The following CHFR variants were observed in gnomAD, a reference collection of about 807,000 sequenced individuals.
The protein encoded by CHFR is checkpoint with forkhead and ring finger domains.
A neutral mutation model predicts 87.6 loss-of-function variants in CHFR; 57 were observed. The observed-to-expected ratio is 0.65, with a 90% CI of 0.53 to 0.81. CHFR has a LOEUF of 0.81. Ranked by LOEUF, CHFR falls within the 30% of genes least tolerant of loss-of-function variation. The probability of loss-of-function intolerance (pLI) is 0.00; values close to 1 mark genes in which losing one functional copy is unlikely to be tolerated. For missense variants in CHFR, 797 were observed against 865.8 expected (o/e 0.92, Z 1.00); for synonymous variants, 381 against 359.2 (o/e 1.06, Z -0.69).
Position 132,861,568 on chromosome 12 carries a change from C to T in CHFR, c.650G>A (p.Ser217Asn). ...TCTGTCTGGGAGAGCTGAGGCAAAGCTGGAGACTTCATCACTTGCCACAGA... is the reference window on the plus strand; with the variant it reads ...TCTGTCTGGGAGAGCTGAGGCAAAGTTGGAGACTTCATCACTTGCCACAGA... ...GPSVASDEVSSFASALPDRKT... is the reference protein window; with the variant it reads ...GPSVASDEVSNFASALPDRKT... The change falls in exon 7 of 18, where the codon AGC becomes AAC. Residue 217 changes from serine (S) to asparagine (N), a missense_variant. Around this residue, in one of 2 missense-constraint regions of CHFR, gnomAD observed 597 missense variants for 601.2 expected, o/e 0.99. Coordinates refer to ENST00000450056, the MANE Select transcript of CHFR (RefSeq NM_001161346.2). 6.2e-7 allele frequency: 1 copy of T among 1,614,202 alleles called. No individual in the cohort carries two copies. The highest frequency in any genetic ancestry group is 8.5e-7 in the Non-Finnish European group (1 of 1,180,028).
rs1000659512 is a variant in CHFR at position 132,853,587 on chromosome 12, C to T, written c.1230-14G>A. Reference sequence around the variant, plus strand: ...ACGTATGGCTGGCTGCAAGGAAGCACAGGGCCGAGCTGTGTGCAGGCCCCA... The same window carrying T: ...ACGTATGGCTGGCTGCAAGGAAGCATAGGGCCGAGCTGTGTGCAGGCCCCA... On this transcript the variant is annotated splice_polypyrimidine_tract_variant and intron_variant, in intron 10 of 17. Transcript: ENST00000450056. 6.6e-6 allele frequency: 10 copies of T among 1,522,332 alleles called. No individual in the cohort carries two copies. The African/African-American group carries it at 8.4e-5, about 13-fold the overall frequency. The allele number at this position is 1,522,332 out of a possible 1,614,324, so 94.3% of individuals were successfully genotyped here.
chr12:132,848,634 G>A lies in CHFR; in HGVS notation c.1576+7C>T. The A allele has an allele frequency of 6.3e-7, 1 of 1,586,124 alleles. No individual in the cohort carries two copies. The highest frequency in any genetic ancestry group is 2.3e-5 in the East Asian group (1 of 43,408). ...AAAGCAACTGGGGCCTGAAGAGCCA[G>A]TATTACCACAAAACGGGGCCAGGCA... On this transcript the variant is annotated splice_region_variant and intron_variant, in intron 13 of 17. Coordinates refer to ENST00000450056, the MANE Select transcript of CHFR (RefSeq NM_001161346.2).
In CHFR at chr12:132,849,050, G is replaced by A. The variant is rs562061055; in HGVS notation, c.1493-326C>T. On this transcript the variant is annotated intron_variant, in intron 12 of 17. Transcript: ENST00000450056. ...CAACCTCCGCCTCCTGGGTTCAAGG[G>A]ATCCACCCACCTCAGCCTCCTGAGT... 1.9e-4 allele frequency: 48 copies of A among 252,578 alleles called. No individual in the cohort carries two copies. In the East Asian group the frequency reaches 4.0e-3, roughly 21 times the overall value. 15.6% of individuals were successfully genotyped at this position (252,578 alleles called of 1,614,324 possible). A position where few individuals can be genotyped will look rare whatever the true frequency, so the allele number is the denominator to read the frequency against.
intron 6 of CHFR, among the ~76,000 whole-genome samples, chr12:132,865,671 T>G (rs1338764861): frequency 6.9e-6 from 1 of 144,002 alleles, no homozygotes; most frequent in Non-Finnish European, 1.5e-5. Context: ...TTTTTTTTTT[T>G]TTTTTTGAGA....
intron 3 of CHFR, among the ~76,000 whole-genome samples, chr12:132,876,777 A>G (rs1951639797): frequency 6.6e-6 from 1 of 152,178 alleles, no homozygotes; most frequent in Non-Finnish European, 1.5e-5. Context: ...AACTACAGTC[A>G]TGCCCCAGAT....
At chr12:132,878,367 G>T in intron 2 of CHFR, among the ~76,000 whole-genome samples, 1 of 151,796 alleles carries the variant, frequency 6.6e-6, no homozygotes, top group East Asian at 2.0e-4. Context: ...TACTTGGGAG[G>T]CTGAGGCAGG....
intron 12 of CHFR, among the ~76,000 whole-genome samples, chr12:132,851,300 T>C (rs1053053025): frequency 1.2e-4 from 19 of 152,060 alleles, no homozygotes; most frequent in African/African-American, 3.4e-4. Context: ...CAGAGTTGTA[T>C]ACTAAAGCAT....
intron 8 of CHFR, 69 bp from the exon 9 acceptor site, chr12:132,857,628 G>C (rs1010485016): frequency 2.7e-6 from 4 of 1,508,254 alleles, no homozygotes; most frequent in Non-Finnish European, 3.6e-6. Flanking sequence ...ACCAAGGTCC[G>C]CAGCAGCCCC....
At chr12:132,869,951 G>C in intron 5 of CHFR, 153 bp from the exon 6 acceptor site, 1 of 845,832 alleles carries the variant, frequency 1.2e-6, no homozygotes, top group Non-Finnish European at 1.8e-6. Context: ...GTGCAGGCCT[G>C]TAATCCCAGC....
At position 132,835,434 on chromosome 12, in the gene CHFR, T is replaced by C. The variant is rs987607744; in HGVS notation, c.*6120A>G. On this transcript the variant is annotated 3_prime_UTR_variant, in exon 18 of 18. Coordinates refer to ENST00000450056, the MANE Select transcript of CHFR (RefSeq NM_001161346.2). ...GCCTGCACGTGGGCCATGCTAATCT[T>C]CTCTATATCGTTCCAGTTTTAGTAG... The C allele has an allele frequency of 6.5e-6, 1 of 153,834 alleles. No individual in the cohort carries two copies. The highest frequency in any genetic ancestry group is 2.4e-5 in the African/African-American group (1 of 41,424). 9.5% of individuals were successfully genotyped at this position (153,834 alleles called of 1,614,324 possible). A position where few individuals can be genotyped will look rare whatever the true frequency, so the allele number is the denominator to read the frequency against.
At position 132,842,973 on chromosome 12, in the gene CHFR, ACTCTGTAG is replaced by A; in HGVS notation, c.1916+30_1916+37del. The A allele has an allele frequency of 2.6e-6, 4 of 1,558,550 alleles. No homozygotes were observed. In the South Asian group the frequency reaches 4.6e-5, roughly 18 times the overall value. On this transcript the variant is annotated intron_variant, in intron 17 of 17. Transcript: ENST00000450056. ...TAAGCAGGCAGTTAACTCATTCATCACTCTGTAGCTGACGCCTGTGCCCCCAGCTGCAC... is the reference window on the plus strand; with the variant it reads ...TAAGCAGGCAGTTAACTCATTCATCACTGACGCCTGTGCCCCCAGCTGCAC...
intron 3 of CHFR, among the ~76,000 whole-genome samples, chr12:132,875,832 G>A (rs894044020): frequency 6.6e-6 from 1 of 152,094 alleles, no homozygotes; most frequent in Non-Finnish European, 1.5e-5. Context: ...GAAAAGATGA[G>A]CTGGATGTAG....
rs540759128 is a variant in CHFR at position 132,859,186 on chromosome 12, G to A, written c.793C>T (p.Pro265Ser). Residue 265 changes from proline to serine, a missense_variant, in exon 8 of 18, where the codon CCG (proline) becomes TCG (serine). By Grantham distance (74) the Pro-to-Ser change is moderately conservative. Coordinates refer to ENST00000450056, the MANE Select transcript of CHFR (RefSeq NM_001161346.2). Reference protein sequence around the residue: ...DLNGQLLVAQPRRNAQTVHED... With the variant: ...DLNGQLLVAQSRRNAQTVHED... ...TGGACGGTTTGGGCATTTCTACGCG[G>A]TTGTGCGACCAACAACTGCCCGTTC... The A allele has an allele frequency of 6.2e-7, 1 of 1,613,990 alleles. No homozygotes were observed. The highest frequency in any genetic ancestry group is 1.1e-5 in the South Asian group (1 of 91,026).
intron 2 of CHFR, among the ~76,000 whole-genome samples, chr12:132,886,796 G>A (rs928075475): frequency 2.0e-5 from 3 of 152,112 alleles, no homozygotes. Context: ...CTCAAAACAA[G>A]GTCCCCGTTG....
chr12:132,886,230 G>A (rs1302651437), intron 2 of CHFR, among the ~76,000 whole-genome samples: 1 of 152,046 alleles, frequency 6.6e-6, no homozygotes, highest in Non-Finnish European at 1.5e-5. Context: ...AGAATCACTT[G>A]AACCGGGAGG....
chr12:132,863,077 T>C (rs536301533), intron 6 of CHFR, among the ~76,000 whole-genome samples: 34 of 147,964 alleles, frequency 2.3e-4, no homozygotes, highest in Non-Finnish European at 3.4e-4. Context: ...TTTGTATTTT[T>C]AGTAGAGACA....
chr12:132,844,974 C>G (rs538975143), intron 15 of CHFR, among the ~76,000 whole-genome samples: 1 of 151,728 alleles, frequency 6.6e-6, no homozygotes, highest in African/African-American at 2.4e-5. Flanking sequence ...TCCCAAAAAA[C>G]AAGAAGAAAA....
At chr12:132,851,595 C>G (rs76946232) in intron 12 of CHFR, 23 bp downstream of exon 12, 5 of 1,592,394 alleles carry the variant, frequency 3.1e-6, no homozygotes, top group Non-Finnish European at 4.3e-6. Context: ...AACCCGCCTG[C>G]GTGCGGTGGC....
chr12:132,870,461 G>C (rs1951461884), intron 5 of CHFR, among the ~76,000 whole-genome samples: 1 of 151,758 alleles, frequency 6.6e-6, no homozygotes, highest in Non-Finnish European at 1.5e-5. Flanking sequence ...AACCCGGCAG[G>C]AGGAGGCTGC....
Sources: allele counts gnomAD v4.1 joint callset (sites outside exome capture counted in the v4.1 genomes callset), GRCh38; gene constraint gnomAD v4.1.1; regional missense constraint gnomAD v4.1.1; transcripts MANE v1.5; gene names NCBI Gene and HGNC (gene_info 2026-07-23, HGNC 2026-07-21).